Variants in ESCO2 observed in about 807,000 individuals in gnomAD.
ESCO2 encodes the protein establishment of sister chromatid cohesion N-acetyltransferase 2.
Under a neutral mutation model 61.7 loss-of-function variants are expected in ESCO2, and 51 were observed. That is an observed-to-expected ratio of 0.83 (90% CI 0.66 to 1.04). The LOEUF (loss-of-function observed/expected upper bound fraction) is 1.04, where lower values mean the gene tolerates loss of function less well. ESCO2 is among the 50% of genes least tolerant of loss of function. The pLI is 0.00. For missense variants in ESCO2, 692 were observed against 686.2 expected, an observed-to-expected ratio of 1.01 and a Z score of -0.09; for synonymous variants, 230 against 238.2, an observed-to-expected ratio of 0.97 and a Z score of 0.32.
At chr8:27,816,181 G>C (rs923195074), downstream of ESCO2, among the ~76,000 whole-genome samples, 2 of 151,652 alleles carry the variant, frequency 1.3e-5, no homozygotes, top group Admixed American at 6.6e-5. Flanking sequence ...TGTCTCATTA[G>C]TATTCAAAAG....
intron 9 of ESCO2, among the ~76,000 whole-genome samples, chr8:27,795,066 A>G (rs1328428116): frequency 1.3e-5 from 2 of 152,210 alleles, no homozygotes; most frequent in Non-Finnish European, 2.9e-5. Context: ...AAATGCCATT[A>G]GAATTTTGAT....
At chr8:27,785,306 C>T (rs111776908) in intron 5 of ESCO2, among the ~76,000 whole-genome samples, 5 of 152,326 alleles carry the variant, frequency 3.3e-5, no homozygotes, top group African/African-American at 1.2e-4. Flanking sequence ...AACTGTTGCA[C>T]TAGAGATTAA....
At chr8:27,801,969 ATTTTTTTTTT>A (rs34539100) in intron 10 of ESCO2, among the ~76,000 whole-genome samples, 1 of 83,780 alleles carries the variant, frequency 1.2e-5, no homozygotes, top group Non-Finnish European at 2.1e-5. Context: ...CCTTCATGGC[ATTTTTTTTTT>A]TTTTTTTTTT....
At chr8:27,788,715 C>A in intron 6 of ESCO2, 132 bp from the exon 7 acceptor site, 1 of 1,086,446 alleles carries the variant, frequency 9.2e-7, no homozygotes, top group Non-Finnish European at 1.4e-6. Context: ...ACCAGATTTT[C>A]ATTTAGTTTT....
At chr8:27,786,425 T>C (rs1374663878) in intron 5 of ESCO2, among the ~76,000 whole-genome samples, 1 of 152,200 alleles carries the variant, frequency 6.6e-6, no homozygotes, top group African/African-American at 2.4e-5. Context: ...CAAGAAACAC[T>C]GTGCCTGGGC....
chr8:27,808,663 T>A (rs567424839), downstream of ESCO2, among the ~76,000 whole-genome samples: 11 of 126,704 alleles, frequency 8.7e-5, no homozygotes, highest in Non-Finnish European at 1.6e-4. Flanking sequence ...CCAGCCTGAG[T>A]GACAGAGCAA....
chr8:27,784,981 T>G (rs1805005692), intron 5 of ESCO2, among the ~76,000 whole-genome samples: 1 of 152,224 alleles, frequency 6.6e-6, no homozygotes, highest in African/African-American at 2.4e-5. Context: ...TCATGACCTT[T>G]TATTGAAGAT....
At chr8:27,814,601 C>T (rs1363510064), downstream of ESCO2, among the ~76,000 whole-genome samples, 3 of 152,040 alleles carry the variant, frequency 2.0e-5, no homozygotes, top group Non-Finnish European at 4.4e-5. Flanking sequence ...GAACATAGGT[C>T]ATTGATTTAG....
the ESCO2 span, among the ~76,000 whole-genome samples, chr8:27,819,144 TTCA>T: frequency 4.6e-5 from 7 of 152,122 alleles, no homozygotes; most frequent in African/African-American, 1.7e-4. Flanking sequence ...TCCTCCTCCT[TTCA>T]TCGAGTTTTC....
the ESCO2 span, among the ~76,000 whole-genome samples, chr8:27,817,992 A>G: frequency 6.6e-6 from 1 of 152,222 alleles, no homozygotes. Flanking sequence ...ATGTTTTAAT[A>G]TTAATGTAAA....
the ESCO2 span, among the ~76,000 whole-genome samples, chr8:27,818,109 A>T: frequency 6.6e-6 from 1 of 152,076 alleles, no homozygotes; most frequent in Non-Finnish European, 1.5e-5. Context: ...TTCCATCAGT[A>T]TAAGTCCTAA....
At chr8:27,813,926 A>G (rs982004920), downstream of ESCO2, among the ~76,000 whole-genome samples, 4 of 151,432 alleles carry the variant, frequency 2.6e-5, no homozygotes, top group African/African-American at 9.7e-5. Context: ...TTATCAGTTT[A>G]TTTTTCTGTG....
chr8:27,808,115 A>G, downstream of ESCO2: 1 of 492,846 alleles, frequency 2.0e-6, no homozygotes, highest in Non-Finnish European at 2.9e-6. Context: ...TGATATATAT[A>G]GCATTTTTTT....
intron 5 of ESCO2, among the ~76,000 whole-genome samples, chr8:27,787,271 C>A (rs1477031196): frequency 6.6e-6 from 1 of 152,002 alleles, no homozygotes; most frequent in African/African-American, 2.4e-5. Context: ...TCTCAACATT[C>A]TTTCATAATA....
downstream of ESCO2, chr8:27,809,806 A>G (rs1805632985): frequency 6.6e-6 from 1 of 152,550 alleles, no homozygotes; most frequent in South Asian, 2.1e-4. Context: ...ATCTGTAACC[A>G]GAGTCTGAAG....
At chr8:27,795,218 A>T (rs1805267897) in intron 9 of ESCO2, among the ~76,000 whole-genome samples, 1 of 152,104 alleles carries the variant, frequency 6.6e-6, no homozygotes, top group Admixed American at 6.5e-5. Flanking sequence ...TCTGGTCTTC[A>T]GTGTATGGAT....
chr8:27,776,105 A>G (rs1348380192), intron 2 of ESCO2, among the ~76,000 whole-genome samples: 3 of 152,248 alleles, frequency 2.0e-5, no homozygotes, highest in Non-Finnish European at 4.4e-5. Context: ...ATTTTAAAAC[A>G]TACATGCATA....
chr8:27,811,204 A>C, downstream of ESCO2: 1 of 1,383,332 alleles, frequency 7.2e-7, no homozygotes, highest in Non-Finnish European at 1.0e-6. Context: ...CCAAAGGGAA[A>C]CAGGCGAACG....
downstream of ESCO2, among the ~76,000 whole-genome samples, chr8:27,816,158 A>G (rs1383998133): frequency 3.9e-5 from 6 of 151,970 alleles, no homozygotes; most frequent in Admixed American, 6.6e-5. Flanking sequence ...TCCTTGTATC[A>G]TAACTGTCAT....
Sources: allele counts gnomAD v4.1 joint callset (sites outside exome capture counted in the v4.1 genomes callset), GRCh38; gene constraint gnomAD v4.1.1; transcripts MANE v1.5; gene names NCBI Gene and HGNC (gene_info 2026-07-23, HGNC 2026-07-21).